IFT88: variants seen among roughly 807,000 people sequenced by gnomAD.
IFT88 encodes intraflagellar transport 88, also known as intraflagellar transport protein 88 homolog.
In IFT88, 74 loss-of-function variants were observed where a neutral mutation model predicts 119.5. The ratio of observed to expected loss-of-function variants is 0.62; its 90% CI spans 0.51 to 0.75. IFT88 has a LOEUF of 0.75. Ranked by LOEUF, IFT88 falls within the 30% of genes least tolerant of loss-of-function variation. The pLI is 0.00. For missense variants in IFT88, 961 were observed against 977.7 expected (o/e 0.98, Z 0.23); for synonymous variants, 279 against 316.7 (o/e 0.88, Z 1.26).
At chr13:20,641,256 T>C (rs1366943712) in intron 17 of IFT88, 34 bp from the exon 18 acceptor site, 2 of 1,161,868 alleles carry the variant, frequency 1.7e-6, no homozygotes, top group African/African-American at 1.5e-5. Context: ...ATAATGATAC[T>C]TATAGATTTT....
intron 15 of IFT88, among the ~76,000 whole-genome samples, chr13:20,628,709 A>C (rs1216776413): frequency 1.3e-5 from 2 of 152,196 alleles, no homozygotes; most frequent in Non-Finnish European, 2.9e-5. Flanking sequence ...TAGTTTAGAA[A>C]CGTATAATAT....
chr13:20,603,932 C>T (rs1233254387), intron 12 of IFT88, among the ~76,000 whole-genome samples: 1 of 151,974 alleles, frequency 6.6e-6, no homozygotes, highest in Non-Finnish European at 1.5e-5. Flanking sequence ...TGGTGGTGTG[C>T]ACCTGTAGTC....
chr13:20,604,826 G>A (rs1232109572), intron 12 of IFT88, among the ~76,000 whole-genome samples: 1 of 152,008 alleles, frequency 6.6e-6, no homozygotes, highest in Non-Finnish European at 1.5e-5. Flanking sequence ...ATCATGGCAT[G>A]CCCCTGTAGT....
At chr13:20,626,122 G>A (rs1216561229) in intron 15 of IFT88, among the ~76,000 whole-genome samples, 20 of 109,998 alleles carry the variant, frequency 1.8e-4, no homozygotes, top group African/African-American at 6.0e-4. Context: ...GTGCAGTGGC[G>A]TGATCTACAC....
In IFT88 at chr13:20,651,425, C is replaced by CAA. The variant is rs1247110855; in HGVS notation, c.1950-2450_1950-2449insAA. Among the ~76,000 whole-genome samples the CAA allele has an allele frequency of 8.0e-4, 116 of 145,062 alleles. 2 individuals are homozygous for CAA. In the South Asian group the frequency reaches 0.022, roughly 27 times the overall value. The stretch of plus-strand genomic sequence containing the variant: ...GAGGCTCAAACAGATCAGATACTTA[C>CAA]ACATGTTTGTGTAAGTATCTGATCT... On this transcript the variant is annotated intron_variant, in intron 20 of 25. Coordinates refer to ENST00000351808, the MANE Select transcript of IFT88 (RefSeq NM_006531.5).
chr13:20,578,735 G>A (rs1433518549), intron 2 of IFT88, among the ~76,000 whole-genome samples: 1 of 152,140 alleles, frequency 6.6e-6, no homozygotes, highest in African/African-American at 2.4e-5. Flanking sequence ...TTTTAGTAGA[G>A]ATGAGGTTTT....
intron 23 of IFT88, among the ~76,000 whole-genome samples, chr13:20,670,304 G>T (rs961686280): frequency 6.6e-6 from 1 of 152,102 alleles, no homozygotes; most frequent in Non-Finnish European, 1.5e-5. Context: ...AGTGTGACTT[G>T]AGGCAGATTC....
chr13:20,568,043 T>C lies in IFT88; in HGVS notation c.-7+787T>C, dbSNP rs182811302. ...AAAATCGCAAAAAAGAATCTCATAA[T>C]GCTTCCAGAAAGTTTACGAATTTGT... On this transcript the variant is annotated intron_variant, in intron 1 of 25. Transcript: ENST00000351808. 4.4e-4 allele frequency: 316 copies of C among 712,154 alleles called. 1 individual carries two copies. In the African/African-American group the frequency reaches 5.2e-3, roughly 12 times the overall value. 44.1% of individuals were successfully genotyped at this position (712,154 alleles called of 1,614,324 possible). A position where few individuals can be genotyped will look rare whatever the true frequency, so the allele number is the denominator to read the frequency against.
chr13:20,613,486 A>C (rs947918202), intron 13 of IFT88, among the ~76,000 whole-genome samples: 1 of 152,142 alleles, frequency 6.6e-6, no homozygotes, highest in Non-Finnish European at 1.5e-5. Context: ...TGATGGTAGG[A>C]GTATAAAATG....
In IFT88 at chr13:20,652,815, T is replaced by C. The variant is rs186244911; in HGVS notation, c.1950-1061T>C. 3.2e-4 allele frequency among the ~76,000 whole-genome samples: 49 copies of C among 152,300 alleles called. No individual in the cohort carries two copies. The East Asian group carries it at 8.3e-3, about 26-fold the overall frequency. Reference sequence around the variant, plus strand: ...TGTTAGGAGAGCATATGGAACAGTCTATCCATGTGGCATTAGCAGAGAGTA... The same window carrying C: ...TGTTAGGAGAGCATATGGAACAGTCCATCCATGTGGCATTAGCAGAGAGTA... On this transcript the variant is annotated intron_variant, in intron 20 of 25. Transcript: ENST00000351808.
At chr13:20,666,939 C>CT (rs1182109999) in intron 23 of IFT88, among the ~76,000 whole-genome samples, 3 of 152,044 alleles carry the variant, frequency 2.0e-5, no homozygotes, top group South Asian at 2.1e-4. Context: ...TTAAATGGGA[C>CT]TTTTTTTAAA....
intron 1 of IFT88, among the ~76,000 whole-genome samples, chr13:20,569,610 G>C (rs1326457915): frequency 6.6e-6 from 1 of 151,892 alleles, no homozygotes; most frequent in African/African-American, 2.4e-5. Flanking sequence ...TTGTGCTTCA[G>C]AGGATAGTAC....
Position 20,638,313 on chromosome 13 carries a change from G to A in IFT88, c.1387-19G>A, listed in dbSNP as rs368699158. 7.1e-6 allele frequency: 9 copies of A among 1,265,126 alleles called. No individual in the cohort carries two copies. In the African/African-American group the frequency reaches 1.2e-4, roughly 17 times the overall value. 78.4% of individuals were successfully genotyped at this position (1,265,126 alleles called of 1,614,324 possible). ...GTATTTCATGAAATTCAAATAATTT[G>A]TATATGTATTTTACTTAGGGAAAGG... is the stretch of plus-strand genomic sequence containing the variant. On this transcript the variant is annotated intron_variant, in intron 16 of 25. Coordinates refer to ENST00000351808, the MANE Select transcript of IFT88 (RefSeq NM_006531.5).
chr13:20,647,245 C>T (rs1328259237), intron 20 of IFT88, among the ~76,000 whole-genome samples: 1 of 152,186 alleles, frequency 6.6e-6, no homozygotes, highest in Non-Finnish European at 1.5e-5. Context: ...TATATTACAT[C>T]TCTTTTGAGC....
At chr13:20,632,769 T>C (rs1410694099) in intron 16 of IFT88, among the ~76,000 whole-genome samples, 1 of 152,244 alleles carries the variant, frequency 6.6e-6, no homozygotes, top group African/African-American at 2.4e-5. Flanking sequence ...GCTTCAGCTT[T>C]GTGTTGTGCA....
In IFT88 at chr13:20,583,305, G is replaced by C. The variant is rs373166475; in HGVS notation, c.153+286G>C. On this transcript the variant is annotated intron_variant, in intron 3 of 25. Coordinates refer to ENST00000351808, the MANE Select transcript of IFT88 (RefSeq NM_006531.5). ...ACTAATTTAGATACCTTACATAAGT[G>C]GAGTCTCAGAGTATTTGTCTTTTTG... Among the ~76,000 whole-genome samples, 94 of 152,170 alleles carry C rather than the reference G, an allele frequency of 6.2e-4. 1 individual carries two copies. The South Asian group carries it at 0.017, about 28-fold the overall frequency.
intron 7 of IFT88, among the ~76,000 whole-genome samples, chr13:20,594,100 A>G (rs2138803712): frequency 6.6e-6 from 1 of 152,104 alleles, no homozygotes; most frequent in South Asian, 2.1e-4. Flanking sequence ...TTAACAAGAA[A>G]ATTTATTATC....
intron 2 of IFT88, among the ~76,000 whole-genome samples, chr13:20,577,732 A>G (rs1012377428): frequency 3.3e-5 from 5 of 152,034 alleles, no homozygotes; most frequent in African/African-American, 9.7e-5. Context: ...TGATCTTTCT[A>G]ATGTATTGTT....
chr13:20,680,404 T>TG lies in IFT88; in HGVS notation c.2242+9371dup, dbSNP rs544523406. Reference sequence around the variant, plus strand: ...AACTTTCGTTAGTGTATACCTCCACTGGGGGGTCTAACCATGTTTCTGGCT... The same window carrying TG: ...AACTTTCGTTAGTGTATACCTCCACTGGGGGGGTCTAACCATGTTTCTGGCT... On this transcript the variant is annotated intron_variant, in intron 24 of 25. Coordinates refer to ENST00000351808, the MANE Select transcript of IFT88 (RefSeq NM_006531.5). 2.3e-3 allele frequency among the ~76,000 whole-genome samples: 353 copies of TG among 152,302 alleles called. 2 individuals are homozygous for TG. Among genetic ancestry groups the TG allele is most frequent in the South Asian group, 0.017 (82 of 4,816 alleles).
Sources: allele counts gnomAD v4.1 joint callset (sites outside exome capture counted in the v4.1 genomes callset), GRCh38; gene constraint gnomAD v4.1.1; transcripts MANE v1.5; gene names NCBI Gene and HGNC (gene_info 2026-07-23, HGNC 2026-07-21).